Variants in ERP44 observed in about 807,000 individuals in gnomAD.
The protein encoded by ERP44 is endoplasmic reticulum protein 44.
Under a neutral mutation model 53.4 loss-of-function variants are expected in ERP44, and 25 were observed. The observed-to-expected ratio is 0.47, with a 90% CI of 0.34 to 0.65. The LOEUF (loss-of-function observed/expected upper bound fraction) is 0.65, where lower values mean the gene tolerates loss of function less well. Among genes scored for constraint, ERP44 ranks in the 30% least tolerant of loss-of-function variants. ERP44 has a pLI of 0.01. For synonymous variants in ERP44, 145 were observed against 161.2 expected (o/e 0.90, Z 0.76); for missense variants, 338 against 493.2 (o/e 0.69, Z 2.98).
chr9:100,094,974 GAAAAA>G, intron 1 of ERP44, among the ~76,000 whole-genome samples: 1 of 51,074 alleles, frequency 2.0e-5, no homozygotes. Context: ...TCTGCCTCAA[GAAAAA>G]AAAAAAAAAA....
intron 4 of ERP44, among the ~76,000 whole-genome samples, chr9:100,050,346 A>C (rs896723448): frequency 2.0e-5 from 3 of 152,226 alleles, no homozygotes; most frequent in African/African-American, 7.2e-5. Flanking sequence ...AATCTCTTTT[A>C]AAAACTGCTT....
At chr9:100,075,186 T>A (rs985999437) in intron 1 of ERP44, among the ~76,000 whole-genome samples, 2 of 152,256 alleles carry the variant, frequency 1.3e-5, no homozygotes, top group Non-Finnish European at 2.9e-5. Context: ...AGAAGATAGA[T>A]GGATCTTGGA....
chr9:100,003,336 T>C (rs955678737), intron 10 of ERP44, among the ~76,000 whole-genome samples: 3 of 152,240 alleles, frequency 2.0e-5, no homozygotes, highest in African/African-American at 4.8e-5. Context: ...TTGTGCTCTT[T>C]TGGTGATGTT....
chr9:100,072,013 G>A (rs1826311755), intron 1 of ERP44, among the ~76,000 whole-genome samples: 1 of 152,166 alleles, frequency 6.6e-6, no homozygotes, highest in African/African-American at 2.4e-5. Flanking sequence ...GTCCTTGAGA[G>A]GCCATATACT....
At chr9:100,049,441 A>C (rs1430877184) in intron 4 of ERP44, among the ~76,000 whole-genome samples, 1 of 152,196 alleles carries the variant, frequency 6.6e-6, no homozygotes, top group Non-Finnish European at 1.5e-5. Flanking sequence ...TAAACAATCC[A>C]ATAAAAAATG....
At chr9:100,039,310 CA>C (rs561795956) in intron 4 of ERP44, among the ~76,000 whole-genome samples, 2 of 151,950 alleles carry the variant, frequency 1.3e-5, no homozygotes. Flanking sequence ...TTAAAACGTT[CA>C]AAAAAATTGA....
intron 1 of ERP44, among the ~76,000 whole-genome samples, chr9:100,096,512 C>T (rs1826631703): frequency 6.6e-6 from 1 of 151,930 alleles, no homozygotes; most frequent in African/African-American, 2.4e-5. Context: ...GTGATATATT[C>T]CAAAATGCTT....
At chr9:100,047,460 G>A (rs1587973948) in intron 4 of ERP44, among the ~76,000 whole-genome samples, 1 of 152,152 alleles carries the variant, frequency 6.6e-6, no homozygotes, top group African/African-American at 2.4e-5. Context: ...CATTCAATGG[G>A]GAAAGAACAG....
At chr9:100,048,707 G>T (rs754102443) in intron 4 of ERP44, among the ~76,000 whole-genome samples, 2 of 152,156 alleles carry the variant, frequency 1.3e-5, no homozygotes, top group Non-Finnish European at 2.9e-5. Context: ...AAATTCTGAC[G>T]CATGCTACAA....
At chr9:100,068,645 C>T (rs1402160522) in intron 1 of ERP44, among the ~76,000 whole-genome samples, 2 of 143,114 alleles carry the variant, frequency 1.4e-5, no homozygotes, top group South Asian at 2.2e-4. Flanking sequence ...CCCGGCCAGC[C>T]GCCCCGTCCG....
rs977163911 is a variant in ERP44, at chr9:99,981,145, T to C, written c.*1467A>G. On this transcript the variant is annotated 3_prime_UTR_variant, in exon 12 of 12. Transcript: ENST00000262455. The stretch of plus-strand genomic sequence containing the variant: ...GATAACAGAACTAAGGCCCAACCTC[T>C]AGAAAGCTCCATCCTACTTTCTTAT... 3 of 151,860 alleles carry C rather than the reference T, an allele frequency of 2.0e-5. No individual in the cohort carries two copies. The highest frequency in any genetic ancestry group is 2.9e-5 in the Non-Finnish European group (2 of 67,806). 9.4% of individuals were successfully genotyped at this position (151,860 alleles called of 1,614,324 possible).
intron 10 of ERP44, among the ~76,000 whole-genome samples, chr9:99,987,934 A>G (rs1490927184): frequency 2.0e-5 from 3 of 152,216 alleles, no homozygotes; most frequent in African/African-American, 7.2e-5. Context: ...TTTGGTGATT[A>G]TGAACAATAC....
intron 1 of ERP44, among the ~76,000 whole-genome samples, chr9:100,063,228 T>C (rs1490467974): frequency 1.3e-5 from 2 of 152,156 alleles, no homozygotes; most frequent in African/African-American, 2.4e-5. Flanking sequence ...TTAAAAATAC[T>C]GTGCTAATAA....
chr9:100,004,984 T>C (rs1360711793), intron 10 of ERP44, among the ~76,000 whole-genome samples: 2 of 152,212 alleles, frequency 1.3e-5, no homozygotes, highest in Non-Finnish European at 2.9e-5. Flanking sequence ...AAAAACAATC[T>C]GATTATGTCA....
chr9:100,011,188 G>C (rs1371679532), intron 8 of ERP44, among the ~76,000 whole-genome samples: 2 of 152,068 alleles, frequency 1.3e-5, no homozygotes, highest in Admixed American at 1.3e-4. Flanking sequence ...GCATTAAAAA[G>C]CAGAGGGAGC....
rs141645122 is a variant in ERP44, at chr9:100,032,094, C to T, written c.287-9868G>A. Among the ~76,000 whole-genome samples, 409 of 152,278 alleles carry T rather than the reference C, an allele frequency of 2.7e-3. 7 individuals are homozygous for T. Among genetic ancestry groups the T allele is most frequent in the Non-Finnish European group, 9.7e-4 (66 of 68,018 alleles). ...ACACCCCACTGAGAGATAAGACTCC[C>T]ATGGGAGATGGGCTGGCTCCCTCTT... is the stretch of plus-strand genomic sequence containing the variant. On this transcript the variant is annotated intron_variant, in intron 4 of 11. Coordinates refer to ENST00000262455, the MANE Select transcript of ERP44 (RefSeq NM_015051.3).
At chr9:100,050,620 G>C (rs1395223923) in intron 4 of ERP44, among the ~76,000 whole-genome samples, 1 of 151,980 alleles carries the variant, frequency 6.6e-6, no homozygotes, top group Non-Finnish European at 1.5e-5. Flanking sequence ...AATCAATAAG[G>C]GTTTCATAAC....
rs550555504 is a variant in ERP44, at chr9:100,060,372, T to C, written c.58-200A>G. 5.3e-5 allele frequency among the ~76,000 whole-genome samples: 8 copies of C among 152,236 alleles called. No homozygotes were observed. In the South Asian group the frequency reaches 1.7e-3, roughly 32 times the overall value. On this transcript the variant is annotated intron_variant, in intron 1 of 11. Coordinates refer to ENST00000262455, the MANE Select transcript of ERP44 (RefSeq NM_015051.3). ...ATATTAGCTTCTCAAACCTAGAAAT[T>C]GGTCAAATAAAACTTTCTATACTTG...
At chr9:99,982,921 T>C (rs1004411457) in intron 11 of ERP44, among the ~76,000 whole-genome samples, 3 of 152,180 alleles carry the variant, frequency 2.0e-5, no homozygotes, top group Non-Finnish European at 4.4e-5. Flanking sequence ...CAGGGCAGGG[T>C]TGCCACAGGG....
Sources: gnomAD v4.1 joint callset for allele counts (sites outside exome capture counted in the v4.1 genomes callset) on GRCh38, gnomAD v4.1.1 for gene constraint, MANE v1.5 for transcripts, NCBI Gene and HGNC (gene_info 2026-07-23, HGNC 2026-07-21) for gene names.